SLC26A3: variants seen among roughly 807,000 people sequenced by gnomAD.
The protein encoded by SLC26A3 is solute carrier family 26 member 3, also known as chloride anion exchanger.
In SLC26A3, 64 loss-of-function variants were observed where a neutral mutation model predicts 85.6. That is an observed-to-expected ratio of 0.75 (90% CI 0.61 to 0.92). The LOEUF is 0.92. SLC26A3 is among the 40% of genes least tolerant of loss of function. The pLI is 0.00. For missense variants in SLC26A3, 922 were observed against 927.3 expected (o/e 0.99, Z 0.07); for synonymous variants, 349 against 336.0 (o/e 1.04, Z -0.42).
intron 5 of SLC26A3, among the ~76,000 whole-genome samples, chr7:107,790,278 G>C (rs1001065863): frequency 1.3e-5 from 2 of 152,132 alleles, no homozygotes; most frequent in African/African-American, 4.8e-5. Context: ...TGGATACTTG[G>C]CCTGTCTTTC....
At chr7:107,779,568 C>T (rs1794182455) in intron 12 of SLC26A3, 100 bp downstream of exon 12, 4 of 1,005,090 alleles carry the variant, frequency 4.0e-6, no homozygotes, top group African/African-American at 1.6e-5. Context: ...TATATAGAAA[C>T]AAAATTTCAC....
At chr7:107,800,302 C>G (rs1454197876) in intron 1 of SLC26A3, among the ~76,000 whole-genome samples, 9 of 152,194 alleles carry the variant, frequency 5.9e-5, no homozygotes, top group Non-Finnish European at 1.3e-4. Flanking sequence ...CAAGACCAGC[C>G]TGGCCAATAT....
At chr7:107,800,032 T>G (rs1043144789) in intron 1 of SLC26A3, among the ~76,000 whole-genome samples, 1 of 152,230 alleles carries the variant, frequency 6.6e-6, no homozygotes, top group Non-Finnish European at 1.5e-5. Context: ...ACATACAAGG[T>G]CCTTCATGTT....
intron 11 of SLC26A3, among the ~76,000 whole-genome samples, chr7:107,780,674 A>G (rs377410765): frequency 6.6e-6 from 1 of 152,188 alleles, no homozygotes; most frequent in Non-Finnish European, 1.5e-5. Context: ...TGATCTGCCT[A>G]TTTCTAATTT....
chr7:107,791,044 T>C lies in SLC26A3; in HGVS notation c.570+4A>G. 1.2e-6 allele frequency: 2 copies of C among 1,613,316 alleles called. No individual in the cohort carries two copies. Among genetic ancestry groups the C allele is most frequent in the South Asian group, 2.2e-5 (2 of 90,998 alleles). On this transcript the variant is annotated splice_donor_region_variant and intron_variant, in intron 5 of 20. Coordinates refer to ENST00000340010, the MANE Select transcript of SLC26A3 (RefSeq NM_000111.3). ...GTGGGCAAGTTACATGAGAAGGTGC[T>C]CACCTGGATGATTCCAGAAAGCACT...
At chr7:107,791,787 GA>G (rs1794407296) in intron 4 of SLC26A3, 42 bp downstream of exon 4, 1 of 1,271,584 alleles carries the variant, frequency 7.9e-7, no homozygotes, top group East Asian at 2.3e-5. Flanking sequence ...AATTCATAAG[GA>G]AAAAACAATG....
chr7:107,771,182 T>C (rs753993554), intron 18 of SLC26A3, among the ~76,000 whole-genome samples: 2 of 152,190 alleles, frequency 1.3e-5, no homozygotes, highest in Non-Finnish European at 2.9e-5. Flanking sequence ...TCAGGGTTTC[T>C]ATCTGGAAAA....
At chr7:107,793,714 T>C (rs1369343551) in intron 3 of SLC26A3, 28 bp downstream of exon 3, 3 of 1,539,908 alleles carry the variant, frequency 1.9e-6, no homozygotes, top group Middle Eastern at 1.7e-4. Context: ...TTTTATTGTA[T>C]ATAAATTATA....
intron 18 of SLC26A3, among the ~76,000 whole-genome samples, chr7:107,768,672 G>A (rs952848917): frequency 1.3e-5 from 2 of 152,052 alleles, no homozygotes; most frequent in African/African-American, 4.8e-5. Flanking sequence ...CCAGCACATA[G>A]TATGTCTTCA....
intron 8 of SLC26A3, among the ~76,000 whole-genome samples, chr7:107,785,887 C>G (rs189530965): frequency 7.9e-5 from 12 of 152,154 alleles, no homozygotes; most frequent in African/African-American, 2.6e-4. Context: ...GGAGAGAAGT[C>G]TTTTAAAAAA....
At chr7:107,800,043 T>G (rs768100730) in intron 1 of SLC26A3, among the ~76,000 whole-genome samples, 5 of 152,244 alleles carry the variant, frequency 3.3e-5, no homozygotes, top group Non-Finnish European at 7.3e-5. Context: ...CCTTCATGTT[T>G]TGGCTCTGGT....
intron 12 of SLC26A3, among the ~76,000 whole-genome samples, 192 bp downstream of exon 12, chr7:107,779,476 A>G (rs1285442429): frequency 1.3e-5 from 2 of 152,238 alleles, no homozygotes; most frequent in Non-Finnish European, 2.9e-5. Context: ...CCATTTAAAA[A>G]AATTAAAGTC....
At chr7:107,790,771 A>G (rs553063659) in intron 5 of SLC26A3, among the ~76,000 whole-genome samples, 1 of 151,626 alleles carries the variant, frequency 6.6e-6, no homozygotes, top group East Asian at 2.0e-4. Context: ...ATTCCCAGAT[A>G]TATGTTGAAG....
chr7:107,774,175 A>G (rs1435809966), intron 16 of SLC26A3, 22 bp from the exon 17 acceptor site: 2 of 1,565,406 alleles, frequency 1.3e-6, no homozygotes, highest in East Asian at 2.2e-5. Flanking sequence ...GATAACAAGT[A>G]TGAAAACTGT....
chr7:107,765,574 A>G lies in SLC26A3; in HGVS notation c.*281T>C. Reference sequence around the variant, plus strand: ...TACTGCTAAACCTATGCATGAAGGTAGTGACTAGGATGGAAATCTGTCAGT... The same window carrying G: ...TACTGCTAAACCTATGCATGAAGGTGGTGACTAGGATGGAAATCTGTCAGT... On this transcript the variant is annotated 3_prime_UTR_variant, in exon 21 of 21. Coordinates refer to ENST00000340010, the MANE Select transcript of SLC26A3 (RefSeq NM_000111.3). 1 of 390,646 alleles carries G rather than the reference A, an allele frequency of 2.6e-6. No homozygotes were observed. Among genetic ancestry groups the G allele is most frequent in the Non-Finnish European group, 4.6e-6 (1 of 215,424 alleles). The allele number at this position is 390,646 out of a possible 1,614,324, so 24.2% of individuals were successfully genotyped here.
chr7:107,775,584 T>C (rs940253959), intron 15 of SLC26A3, among the ~76,000 whole-genome samples: 1 of 151,634 alleles, frequency 6.6e-6, no homozygotes, highest in African/African-American at 2.4e-5. Flanking sequence ...ACTTAGCACT[T>C]AGCGGGGTGT....
intron 8 of SLC26A3, 118 bp downstream of exon 8, chr7:107,786,709 G>T: frequency 1.2e-6 from 1 of 855,868 alleles, no homozygotes; most frequent in Admixed American, 1.7e-5. Context: ...AGGGTGCAGG[G>T]AGGATTCTGA....
chr7:107,770,927 G>A (rs2115800976), intron 18 of SLC26A3, among the ~76,000 whole-genome samples: 1 of 152,270 alleles, frequency 6.6e-6, no homozygotes, highest in East Asian at 1.9e-4. Flanking sequence ...GGGGAAGCAA[G>A]GATGTTTTCA....
chr7:107,783,380 T>C, intron 8 of SLC26A3, 28 bp from the exon 9 acceptor site: 1 of 1,613,838 alleles, frequency 6.2e-7, no homozygotes, highest in South Asian at 1.1e-5. Context: ...CAAGTCTGAA[T>C]GTCACCAACC....
Sources: allele counts gnomAD v4.1 joint callset (sites outside exome capture counted in the v4.1 genomes callset), GRCh38; gene constraint gnomAD v4.1.1; transcripts MANE v1.5; gene names NCBI Gene and HGNC (gene_info 2026-07-23, HGNC 2026-07-21).